The following STOX2 variants were observed in gnomAD, a reference collection of about 807,000 sequenced individuals.
STOX2 encodes the protein storkhead-box protein 2.
STOX2 carries 28 observed loss-of-function variants against 60.9 expected under a neutral mutation model. That is an observed-to-expected ratio of 0.46 (90% CI 0.34 to 0.63). The LOEUF (loss-of-function observed/expected upper bound fraction) is 0.63. Ranked by LOEUF, STOX2 falls within the 30% of genes least tolerant of loss-of-function variation. STOX2 has a pLI of 0.01. For synonymous variants in STOX2, 472 were observed against 463.9 expected, an observed-to-expected ratio of 1.02 and a Z score of -0.22; for missense variants, 1,024 against 1,187.7, an observed-to-expected ratio of 0.86 and a Z score of 2.03.
chr4:183,807,479 C>T (rs992711187), intron 1 of STOX2, among the ~76,000 whole-genome samples: 2 of 120,594 alleles, frequency 1.7e-5, no homozygotes, highest in Non-Finnish European at 3.6e-5. Context: ...TGAGCCTGCC[C>T]GAGCCGCCAG....
intron 1 of STOX2, among the ~76,000 whole-genome samples, chr4:183,909,085 G>A (rs763064162): frequency 7.2e-5 from 11 of 152,220 alleles, no homozygotes; most frequent in Non-Finnish European, 1.2e-4. Flanking sequence ...TAAACATGAT[G>A]ACAAACACCT....
chr4:183,800,259 G>T (rs1171410341), intron 1 of STOX2, among the ~76,000 whole-genome samples: 1 of 152,024 alleles, frequency 6.6e-6, no homozygotes, highest in Non-Finnish European at 1.5e-5. Flanking sequence ...ATGAGGATTG[G>T]CTCACAACCT....
At chr4:183,995,487 A>G (rs2111213890) in intron 1 of STOX2, among the ~76,000 whole-genome samples, 1 of 152,096 alleles carries the variant, frequency 6.6e-6, no homozygotes, top group African/African-American at 2.4e-5. Flanking sequence ...TGGAAGGGGA[A>G]AATAGATAGA....
intron 1 of STOX2, among the ~76,000 whole-genome samples, chr4:183,935,239 G>A (rs913380605): frequency 1.3e-5 from 2 of 152,250 alleles, no homozygotes; most frequent in African/African-American, 2.4e-5. Flanking sequence ...CCCCATGCGT[G>A]CCCTGGAACC....
Position 184,020,684 on chromosome 4 carries a change from G to GC in STOX2, c.*3400_*3401insC, listed in dbSNP as rs1560952252. ...GGGGACCATAATGAACATATGAAAG[G>GC]GGGGGGGGTGCCATCAAATAGAGAA... On this transcript the variant is annotated 3_prime_UTR_variant, in exon 4 of 4. Coordinates refer to ENST00000308497, the MANE Select transcript of STOX2 (RefSeq NM_020225.3). The GC allele has an allele frequency of 3.3e-5, 2 of 59,752 alleles. No individual in the cohort carries two copies. The highest frequency in any genetic ancestry group is 8.0e-5 in the African/African-American group (2 of 25,038). 3.7% of individuals were successfully genotyped at this position (59,752 alleles called of 1,614,324 possible).
chr4:183,932,210 C>G lies in STOX2; in HGVS notation c.166+25254C>G, dbSNP rs142220921. On this transcript the variant is annotated intron_variant, in intron 1 of 3. Coordinates refer to ENST00000308497, the MANE Select transcript of STOX2 (RefSeq NM_020225.3). ...GATGGAAATGCATGAGGAGGAGCAG[C>G]TATGGGGTTGGGGACGTTGATGAGT... Among the ~76,000 whole-genome samples, 529 of 152,000 alleles carry G rather than the reference C, an allele frequency of 3.5e-3. 3 individuals carry two copies. Among genetic ancestry groups the G allele is most frequent in the African/African-American group, 0.012 (490 of 41,428 alleles).
intron 1 of STOX2, among the ~76,000 whole-genome samples, chr4:183,996,232 C>T (rs1010210159): frequency 8.5e-5 from 13 of 152,160 alleles, no homozygotes; most frequent in African/African-American, 3.1e-4. Flanking sequence ...GAAAATAAAG[C>T]TGAACTAAAA....
At chr4:183,823,299 G>A in intron 1 of STOX2, among the ~76,000 whole-genome samples, 1 of 152,192 alleles carries the variant, frequency 6.6e-6, no homozygotes. Context: ...GGGAGGCTGA[G>A]GCAGGGGAAT....
chr4:184,018,551 A>G lies in STOX2; in HGVS notation c.*1267A>G, dbSNP rs538612954. On this transcript the variant is annotated 3_prime_UTR_variant, in exon 4 of 4. Coordinates refer to ENST00000308497, the MANE Select transcript of STOX2 (RefSeq NM_020225.3). ...TCCCCTAAAATTTATCAGAATAACA[A>G]TTATGCATACATGAACTATGCCAGA... 14 of 152,374 alleles carry G rather than the reference A, an allele frequency of 9.2e-5. No homozygotes were observed. The highest frequency in any genetic ancestry group is 3.4e-4 in the African/African-American group (14 of 41,596). 9.4% of individuals were successfully genotyped at this position (152,374 alleles called of 1,614,324 possible).
intron 1 of STOX2, among the ~76,000 whole-genome samples, chr4:183,876,757 T>G (rs967083864): frequency 3.3e-5 from 5 of 152,210 alleles, no homozygotes; most frequent in African/African-American, 1.2e-4. Context: ...CTTTCTTGTC[T>G]GCAGAGCGAG....
intron 1 of STOX2, among the ~76,000 whole-genome samples, chr4:183,819,770 C>G (rs1232045240): frequency 2.0e-5 from 3 of 152,178 alleles, no homozygotes; most frequent in African/African-American, 7.2e-5. Flanking sequence ...AACGGCATCG[C>G]CCCACTAAAT....
rs1740291274 is a variant in STOX2, at chr4:183,856,611, T to C, written c.364+58556T>C. 6.6e-6 allele frequency among the ~76,000 whole-genome samples: 1 copy of C among 152,132 alleles called. No individual in the cohort carries two copies. Among genetic ancestry groups the C allele is most frequent in the African/African-American group, 2.4e-5 (1 of 41,436 alleles). On this transcript the variant is annotated intron_variant, in intron 1 of 2. Coordinates refer to the STOX2 transcript ENST00000513034. The surrounding 1 kb of genome is among the most constrained non-coding windows in gnomAD (Gnocchi z 4.0). ...CCTGCCCCTGGCTGACTGCAGCTAA[T>C]GGTAGGGTGGTTCATGTGAACATCG...
At chr4:183,901,036 T>C (rs1741448523), upstream of STOX2, among the ~76,000 whole-genome samples, 1 of 152,152 alleles carries the variant, frequency 6.6e-6, no homozygotes, top group South Asian at 2.1e-4. Flanking sequence ...TCTCTACCAA[T>C]TAAACAACAA....
At chr4:183,938,973 T>C (rs1742673893) in intron 1 of STOX2, among the ~76,000 whole-genome samples, 1 of 152,226 alleles carries the variant, frequency 6.6e-6, no homozygotes. Context: ...TGAATGATTT[T>C]AAAAATGCAG....
chr4:183,909,211 A>G (rs986784049), intron 1 of STOX2, among the ~76,000 whole-genome samples: 2 of 152,214 alleles, frequency 1.3e-5, no homozygotes, highest in Non-Finnish European at 2.9e-5. Context: ...CTCCTTTCAA[A>G]ATGTGAGTAT....
In STOX2 at chr4:183,856,053, G is replaced by T. The variant is rs1740278636; in HGVS notation, c.364+57998G>T. 2.0e-5 allele frequency among the ~76,000 whole-genome samples: 3 copies of T among 152,154 alleles called. No individual in the cohort carries two copies. The highest frequency in any genetic ancestry group is 4.4e-5 in the Non-Finnish European group (3 of 68,028). ...TCCTCTGAGTTCGCTTCCAGCCTAG[G>T]TCTCATTCCTGGCCTGGTGGTAGCA... On this transcript the variant is annotated intron_variant, in intron 1 of 2. Transcript: ENST00000513034. The surrounding 1 kb of genome is among the most constrained non-coding windows in gnomAD (Gnocchi z 4.0).
At chr4:183,968,292 C>T (rs945643989) in intron 1 of STOX2, among the ~76,000 whole-genome samples, 18 of 151,320 alleles carry the variant, frequency 1.2e-4, no homozygotes, top group African/African-American at 4.4e-4. Context: ...TCTCTTATCA[C>T]CATTACTGCA....
chr4:183,921,025 C>CT (rs1476671511), intron 1 of STOX2, among the ~76,000 whole-genome samples: 1 of 152,200 alleles, frequency 6.6e-6, no homozygotes, highest in Non-Finnish European at 1.5e-5. Flanking sequence ...TTTTTCTTGA[C>CT]TTTTTTAGTT....
chr4:183,811,068 A>G (rs1202204935), intron 1 of STOX2, among the ~76,000 whole-genome samples: 1 of 152,102 alleles, frequency 6.6e-6, no homozygotes, highest in Admixed American at 6.6e-5. Flanking sequence ...TCTTTTGCTA[A>G]AGTGATTTTA....
Sources: gnomAD v4.1 joint callset for allele counts (sites outside exome capture counted in the v4.1 genomes callset) on GRCh38, gnomAD v4.1.1 for gene constraint, Gnocchi (gnomAD v3.1) non-coding constraint, MANE v1.5 for transcripts, NCBI Gene and HGNC (gene_info 2026-07-23, HGNC 2026-07-21) for gene names.